Variants in GALNT13 observed in about 807,000 individuals in gnomAD.
GALNT13 encodes the protein polypeptide N-acetylgalactosaminyltransferase 13.
A neutral mutation model predicts 64.2 loss-of-function variants in GALNT13; 28 were observed. The observed-to-expected ratio is 0.44, with a 90% confidence interval of 0.32 to 0.60. The LOEUF is 0.60. Ranked by LOEUF, GALNT13 falls within the 20% of genes least tolerant of loss-of-function variation. The pLI is 0.05. For missense variants in GALNT13, 577 were observed against 669.8 expected, an observed-to-expected ratio of 0.86 and a Z score of 1.53; for synonymous variants, 214 against 224.6, an observed-to-expected ratio of 0.95 and a Z score of 0.42.
At chr2:154,253,876 C>T (rs560385729) in intron 7 of GALNT13, among the ~76,000 whole-genome samples, 2 of 152,206 alleles carry the variant, frequency 1.3e-5, no homozygotes, top group East Asian at 3.9e-4. Flanking sequence ...CATTAATAGT[C>T]TAATACTATT....
chr2:153,331,911 G>A, the GALNT13 span, among the ~76,000 whole-genome samples: 3 of 152,204 alleles, frequency 2.0e-5, no homozygotes, highest in East Asian at 5.8e-4. Context: ...GGGAGATTGT[G>A]TGTTTCCAGG....
the GALNT13 span, among the ~76,000 whole-genome samples, chr2:153,162,423 A>G: frequency 7.2e-5 from 11 of 152,160 alleles, no homozygotes; most frequent in African/African-American, 2.7e-4. Flanking sequence ...TAAGGATCCT[A>G]TTCAAACCCT....
the GALNT13 span, among the ~76,000 whole-genome samples, chr2:153,790,143 A>C: frequency 6.6e-6 from 1 of 152,204 alleles, no homozygotes; most frequent in East Asian, 1.9e-4. Context: ...AGAAAACTTC[A>C]GGCCAGTATA....
chr2:154,125,588 A>C (rs1280878840), intron 3 of GALNT13, among the ~76,000 whole-genome samples: 2 of 152,238 alleles, frequency 1.3e-5, no homozygotes, highest in Non-Finnish European at 2.9e-5. Context: ...ATGTACAAAA[A>C]CGCAAAAAAG....
chr2:153,290,741 G>T, the GALNT13 span, among the ~76,000 whole-genome samples: 3 of 152,096 alleles, frequency 2.0e-5, no homozygotes, highest in Non-Finnish European at 2.9e-5. Context: ...GCCTCATTTT[G>T]TACCTTGCAT....
chr2:153,458,656 A>T, the GALNT13 span, among the ~76,000 whole-genome samples: 1 of 152,136 alleles, frequency 6.6e-6, no homozygotes, highest in Non-Finnish European at 1.5e-5. Flanking sequence ...CATATTTGGG[A>T]GCCATTTTTG....
intron 8 of GALNT13, among the ~76,000 whole-genome samples, chr2:154,283,180 A>G (rs147932650): frequency 9.8e-5 from 15 of 152,314 alleles, no homozygotes; most frequent in Admixed American, 2.6e-4. Context: ...CTACTTGAAT[A>G]TATGGAAAGT....
intron 12 of GALNT13, among the ~76,000 whole-genome samples, chr2:154,449,727 T>C (rs1296441815): frequency 1.3e-5 from 2 of 151,954 alleles, no homozygotes; most frequent in Non-Finnish European, 2.9e-5. Context: ...ATATAATGAC[T>C]GGTTAACATA....
the GALNT13 span, among the ~76,000 whole-genome samples, chr2:153,261,169 G>A: frequency 1.4e-4 from 22 of 151,988 alleles, no homozygotes; most frequent in Non-Finnish European, 2.8e-4. Context: ...TTATCTGAAA[G>A]GTAATATATC....
rs149323147 is a variant in GALNT13 at position 154,328,360 on chromosome 2, C to G, written c.1156+26771C>G. On this transcript the variant is annotated intron_variant, in intron 9 of 12. Coordinates refer to ENST00000392825, the MANE Select transcript of GALNT13 (RefSeq NM_052917.4). Reference sequence around the variant, plus strand: ...GCTCAACATTGTTTTTGATACTCATCCACACTGATTCATTTTCACTGGCAT... The same window carrying G: ...GCTCAACATTGTTTTTGATACTCATGCACACTGATTCATTTTCACTGGCAT... Among the ~76,000 whole-genome samples, 133 of 152,218 alleles carry G rather than the reference C, an allele frequency of 8.7e-4. 3 individuals are homozygous for G. In the East Asian group the frequency reaches 0.019, roughly 22 times the overall value.
intron 3 of GALNT13, among the ~76,000 whole-genome samples, chr2:154,117,043 C>A (rs1172769438): frequency 1.3e-5 from 2 of 152,170 alleles, no homozygotes; most frequent in Non-Finnish European, 2.9e-5. Flanking sequence ...GGGCAGGAAG[C>A]ATCCAGCATG....
the GALNT13 span, among the ~76,000 whole-genome samples, chr2:153,709,418 A>T: frequency 6.6e-6 from 1 of 152,114 alleles, no homozygotes; most frequent in African/African-American, 2.4e-5. Flanking sequence ...TCATTAGGGA[A>T]ATGAAAATTG....
intron 3 of GALNT13, among the ~76,000 whole-genome samples, chr2:154,102,279 C>T (rs888387745): frequency 4.6e-5 from 7 of 152,074 alleles, no homozygotes; most frequent in East Asian, 1.9e-4. Context: ...AAAGCACCAC[C>T]GCCTGGCTGG....
intron 3 of GALNT13, among the ~76,000 whole-genome samples, chr2:153,948,512 C>A (rs1029483444): frequency 5.3e-5 from 8 of 152,002 alleles, no homozygotes; most frequent in Admixed American, 1.3e-4. Context: ...ATTGTATATA[C>A]CCTAAGGAAC....
the GALNT13 span, among the ~76,000 whole-genome samples, chr2:153,261,792 C>T: frequency 6.6e-6 from 1 of 152,096 alleles, no homozygotes; most frequent in Admixed American, 6.6e-5. Context: ...CCTTCCCACT[C>T]TTGCCTCCCT....
the GALNT13 span, among the ~76,000 whole-genome samples, chr2:153,466,123 T>C: frequency 6.6e-6 from 1 of 152,126 alleles, no homozygotes; most frequent in South Asian, 2.1e-4. Flanking sequence ...ATATCTCTTC[T>C]GCATGGTCAT....
intron 2 of GALNT13, among the ~76,000 whole-genome samples, chr2:153,901,325 G>A (rs1688222361): frequency 6.6e-6 from 1 of 151,934 alleles, no homozygotes; most frequent in South Asian, 2.1e-4. Context: ...TTTGGTTTAT[G>A]AATTATAAAA....
At chr2:154,098,787 G>A (rs542842545) in intron 3 of GALNT13, among the ~76,000 whole-genome samples, 6 of 152,136 alleles carry the variant, frequency 3.9e-5, no homozygotes, top group African/African-American at 9.6e-5. Flanking sequence ...GTTCCATGGG[G>A]TATATATACC....
chr2:154,070,208 T>G (rs765414769), intron 3 of GALNT13, among the ~76,000 whole-genome samples: 1 of 152,084 alleles, frequency 6.6e-6, no homozygotes, highest in Non-Finnish European at 1.5e-5. Context: ...GTAGAGTTCT[T>G]TATTTGGTGT....
Sources: allele counts gnomAD v4.1 joint callset (sites outside exome capture counted in the v4.1 genomes callset), GRCh38; gene constraint gnomAD v4.1.1; transcripts MANE v1.5; gene names NCBI Gene and HGNC (gene_info 2026-07-23, HGNC 2026-07-21).